BTN1A1: variants seen among roughly 807,000 people sequenced by gnomAD.
BTN1A1 encodes the protein bK14H9.2 (butyrophilin, subfamily 1, member A1).
A neutral mutation model predicts 33.1 loss-of-function variants in BTN1A1; 26 were observed. The observed-to-expected ratio is 0.79, with a 90% CI of 0.58 to 1.09. The LOEUF (loss-of-function observed/expected upper bound fraction) is 1.09. Among genes scored for constraint, BTN1A1 ranks in the 50% least tolerant of loss-of-function variants. The probability of loss-of-function intolerance (pLI) is 0.00; values close to 1 mark genes in which losing one functional copy is unlikely to be tolerated. For missense variants in BTN1A1, 558 were observed against 655.7 expected (o/e 0.85, Z 1.63); for synonymous variants, 235 against 256.2 (o/e 0.92, Z 0.79).
At chr6:26,506,653 C>A in intron 4 of BTN1A1, 30 bp from the exon 5 acceptor site, 1 of 1,610,988 alleles carries the variant, frequency 6.2e-7, no homozygotes, top group Non-Finnish European at 8.5e-7. Flanking sequence ...AATTTCTCAA[C>A]TAATGTCCTT....
rs1763912488 is a variant in BTN1A1, at chr6:26,509,144, C to A, written c.1551C>A (p.Ile517=). The A allele has an allele frequency of 5.6e-6, 9 of 1,612,742 alleles. No individual in the cohort carries two copies. The highest frequency in any genetic ancestry group is 2.2e-5 in the East Asian group (1 of 44,872). The change falls in exon 8 of 8, where the codon ATC becomes ATA. Residue 517 remains isoleucine, a synonymous_variant. Coordinates refer to ENST00000684113, the MANE Select transcript of BTN1A1 (RefSeq NM_001732.3). ...RDADTLHSKL[I]PTQPSQGAP is the part of the protein sequence containing the mutation. ...CAGACACTCTCCATTCTAAGCTAAT[C>A]CCTACCCAACCCAGCCAAGGGGCAC...
Position 26,505,213 on chromosome 6 carries a change from G to A in BTN1A1, c.709+7G>A. On this transcript the variant is annotated splice_region_variant and intron_variant, in intron 4 of 7. Transcript: ENST00000684113. ...GTAGAAATATCCATACCAGGTTAGT[G>A]GAACCAATGCTGCTGGATTCCTATG... 6.2e-7 allele frequency: 1 copy of A among 1,610,776 alleles called. No individual in the cohort carries two copies. The highest frequency in any genetic ancestry group is 2.2e-5 in the East Asian group (1 of 44,840).
Position 26,501,452 on chromosome 6 carries a change from C to T in BTN1A1, c.79+87C>T. On this transcript the variant is annotated intron_variant, in intron 2 of 7. Transcript: ENST00000684113. This position sits in a 1 kb window ranked among gnomAD's most constrained non-coding sequence, Gnocchi z 5.2. ...AATCCCACTTGGCTCTCCCTGGAGA[C>T]CTCCACTGGATCCAGACAAACTCAG... The T allele has an allele frequency of 6.4e-7, 1 of 1,568,378 alleles. No individual in the cohort carries two copies. Among genetic ancestry groups the T allele is most frequent in the South Asian group, 1.1e-5 (1 of 89,624 alleles).
In BTN1A1 at chr6:26,508,954, GC is replaced by G; in HGVS notation, c.1366del (p.Leu456SerfsTer15). On this transcript the variant is annotated frameshift_variant, in exon 8 of 8. Transcript: ENST00000684113. LOFTEE classifies it low-confidence loss of function (END_TRUNC). ...IYTFSNVTFS[G>X]PLRPFFCLWS... ...ACTTTCTCCAATGTCACTTTCTCTGGCCCCCTCCGGCCCTTCTTTTGCCTAT... is the reference window on the plus strand; with the variant it reads ...ACTTTCTCCAATGTCACTTTCTCTGGCCCCTCCGGCCCTTCTTTTGCCTAT... 1 of 1,614,108 alleles carries G rather than the reference GC, an allele frequency of 6.2e-7. No individual in the cohort carries two copies. Among genetic ancestry groups the G allele is most frequent in the Non-Finnish European group, 8.5e-7 (1 of 1,180,006 alleles).
intron 5 of BTN1A1, 60 bp downstream of exon 5, chr6:26,506,892 C>A: frequency 1.3e-6 from 2 of 1,575,008 alleles, no homozygotes; most frequent in South Asian, 1.1e-5. Context: ...AGGCTGGATC[C>A]AAGTCCTTTA....
Position 26,501,283 on chromosome 6 carries a change from G to A in BTN1A1, c.-4G>A, listed in dbSNP as rs573915613. ...GTTATCTTGCTGCTCCAGAAGGGTG[G>A]GAGATGGCAGTTTTCCCAAGCTCCG... On this transcript the variant is annotated 5_prime_UTR_variant, in exon 2 of 8. Transcript: ENST00000684113. This position sits in a 1 kb window ranked among gnomAD's most constrained non-coding sequence, Gnocchi z 5.2. 6.2e-7 allele frequency: 1 copy of A among 1,613,730 alleles called. No homozygotes were observed. The highest frequency in any genetic ancestry group is 2.2e-5 in the East Asian group (1 of 44,876).
rs1763924866 is a variant in BTN1A1 at position 26,510,245 on chromosome 6, C to G, written c.*1071C>G. The G allele has an allele frequency of 6.6e-6, 1 of 152,566 alleles. No individual in the cohort carries two copies. The highest frequency in any genetic ancestry group is 1.5e-5 in the Non-Finnish European group (1 of 68,144). 9.5% of individuals were successfully genotyped at this position (152,566 alleles called of 1,614,324 possible). On this transcript the variant is annotated 3_prime_UTR_variant, in exon 8 of 8. Transcript: ENST00000684113. ...CCCCTGAATGCTGCATCATTGTGTTCAGTGCAGCTGGACTGATTGCACCTG... is the reference window on the plus strand; with the variant it reads ...CCCCTGAATGCTGCATCATTGTGTTGAGTGCAGCTGGACTGATTGCACCTG...
In BTN1A1 at chr6:26,501,404, A is replaced by T; in HGVS notation, c.79+39A>T. The T allele has an allele frequency of 1.3e-5, 21 of 1,592,076 alleles. No homozygotes were observed. The highest frequency in any genetic ancestry group is 1.8e-5 in the Non-Finnish European group (21 of 1,160,060). On this transcript the variant is annotated intron_variant, in intron 2 of 7. Transcript: ENST00000684113. The surrounding 1 kb of genome is among the most constrained non-coding windows in gnomAD (Gnocchi z 5.2). ...TCTCTCTGGGCTGCATAGTTGAAATATATCAATAAATGTAAAATAAACAAT... is the reference window on the plus strand; with the variant it reads ...TCTCTCTGGGCTGCATAGTTGAAATTTATCAATAAATGTAAAATAAACAAT...
rs1421292283 is a variant in BTN1A1, at chr6:26,508,602, A to G, written c.1009A>G (p.Lys337Glu). The G allele has an allele frequency of 6.2e-7, 1 of 1,614,242 alleles. No homozygotes were observed. Among genetic ancestry groups the G allele is most frequent in the South Asian group, 1.1e-5 (1 of 91,084 alleles). Residue 337 changes from lysine (K) to glutamate (E), a missense_variant, in exon 8 of 8, where the codon AAA (lysine) becomes GAA (glutamate). By Grantham distance (56) the Lys-to-Glu change is moderately conservative. Coordinates refer to ENST00000684113, the MANE Select transcript of BTN1A1 (RefSeq NM_001732.3). ...LEDSRQKLPE[K>E]TERFDSWPCV... ...AGATTCACGTCAGAAACTGCCTGAGAAAACAGAGAGATTTGACTCCTGGCC... is the reference window on the plus strand; with the variant it reads ...AGATTCACGTCAGAAACTGCCTGAGGAAACAGAGAGATTTGACTCCTGGCC...
Position 26,506,749 on chromosome 6 carries a change from T to G in BTN1A1, c.776T>G (p.Leu259Arg), listed in dbSNP as rs1763875127. 6.2e-7 allele frequency: 1 copy of G among 1,613,934 alleles called. No homozygotes were observed. Among genetic ancestry groups the G allele is most frequent in the African/African-American group, 1.3e-5 (1 of 74,890 alleles). ...GCTGTCATCCTGATGGTTCTAGGAC[T>G]TCTCACCATTGGGTCCATATTTTTC... is the stretch of plus-strand genomic sequence containing the variant. ...AVAVILMVLG[L>R]LTIGSIFFTW... Residue 259 changes from leucine (L) to arginine (R), a missense_variant, in exon 5 of 8, where the codon CTT becomes CGT. By Grantham distance (102) the Leu-to-Arg change is moderately radical (BLOSUM62 -2). Coordinates refer to ENST00000684113, the MANE Select transcript of BTN1A1 (RefSeq NM_001732.3).
chr6:26,501,364 A>G lies in BTN1A1; in HGVS notation c.78A>G (p.Ser26=). Residue 26 remains serine, a splice_region_variant and synonymous_variant, in exon 2 of 8, where the codon TCA becomes TCG. Transcript: ENST00000684113. This position sits in a 1 kb window ranked among gnomAD's most constrained non-coding sequence, Gnocchi z 5.2. Reference sequence around the variant, plus strand: ...TCCTCCAGCTGCCCAAACTGGATTCAGGTAAGTCTCTCTCTCTCTCTGGGC... The same window carrying G: ...TCCTCCAGCTGCCCAAACTGGATTCGGGTAAGTCTCTCTCTCTCTCTGGGC... The part of the protein sequence containing the change: ...LILLQLPKLD[S]APFDVIGPPE... 2 of 1,612,528 alleles carry G rather than the reference A, an allele frequency of 1.2e-6. No homozygotes were observed. Among genetic ancestry groups the G allele is most frequent in the Non-Finnish European group, 1.7e-6 (2 of 1,178,634 alleles).
In BTN1A1 at chr6:26,508,720, G is replaced by A. The variant is rs1380475925; in HGVS notation, c.1127G>A (p.Arg376Lys). Residue 376 changes from arginine to lysine, a missense_variant, in exon 8 of 8, where the codon AGG becomes AAG. By Grantham distance (26) the Arg-to-Lys change is conservative. Coordinates refer to ENST00000684113, the MANE Select transcript of BTN1A1 (RefSeq NM_001732.3). Reference protein sequence around the residue: ...DRTDWAIGVCRENVMKKGFDP... With the variant: ...DRTDWAIGVCKENVMKKGFDP... ...ACTGACTGGGCAATCGGCGTGTGTA[G>A]GGAGAATGTGATGAAGAAAGGATTT... The A allele has an allele frequency of 1.2e-6, 2 of 1,614,010 alleles. No individual in the cohort carries two copies. The highest frequency in any genetic ancestry group is 1.7e-6 in the Non-Finnish European group (2 of 1,180,034).
At position 26,501,955 on chromosome 6, in the gene BTN1A1, G is replaced by A; in HGVS notation, c.427+18G>A. The A allele has an allele frequency of 6.5e-7, 1 of 1,534,874 alleles. No individual in the cohort carries two copies. ...GGTGGCTGGTGAGTAGACGGGTTTT[G>A]ACTTTCTCCGACGACTCCCCTGCTG... On this transcript the variant is annotated intron_variant, in intron 3 of 7. Coordinates refer to ENST00000684113, the MANE Select transcript of BTN1A1 (RefSeq NM_001732.3). This position sits in a 1 kb window ranked among gnomAD's most constrained non-coding sequence, Gnocchi z 5.2.
chr6:26,507,483 TG>T (rs1419140525), intron 5 of BTN1A1, among the ~76,000 whole-genome samples: 2 of 152,094 alleles, frequency 1.3e-5, no homozygotes, highest in African/African-American at 4.8e-5. Context: ...CTTAGCACTT[TG>T]GGAGGCCGAG....
chr6:26,507,887 G>A, intron 5 of BTN1A1, 63 bp from the exon 6 acceptor site: 1 of 1,562,706 alleles, frequency 6.4e-7, no homozygotes, highest in East Asian at 2.2e-5. Context: ...TCCCACACGA[G>A]TTTTGTCCCC....
At position 26,508,798 on chromosome 6, in the gene BTN1A1, G is replaced by A. The variant is rs773129427; in HGVS notation, c.1205G>A (p.Gly402Glu). 6.2e-7 allele frequency: 1 copy of A among 1,614,136 alleles called. No individual in the cohort carries two copies. The highest frequency in any genetic ancestry group is 8.5e-7 in the Non-Finnish European group (1 of 1,180,016). Residue 402 changes from glycine (G) to glutamate (E), a missense_variant, in exon 8 of 8, where the codon GGG (glycine) becomes GAG (glutamate). Transcript: ENST00000684113. Reference protein sequence around the residue: ...GFWAVELYGNGYWALTPLRTP... With the variant: ...GFWAVELYGNEYWALTPLRTP... ...TGGGCTGTAGAGTTGTATGGAAATGGGTACTGGGCCCTCACTCCTCTCCGG... is the reference window on the plus strand; with the variant it reads ...TGGGCTGTAGAGTTGTATGGAAATGAGTACTGGGCCCTCACTCCTCTCCGG...
chr6:26,507,868 T>C (rs1167762968), intron 5 of BTN1A1, 82 bp from the exon 6 acceptor site: 1 of 1,379,920 alleles, frequency 7.2e-7, no homozygotes, highest in Non-Finnish European at 1.0e-6. Flanking sequence ...AGTTCCTCCT[T>C]TGTGTGTTTC....
At position 26,501,305 on chromosome 6, in the gene BTN1A1, T is replaced by C; in HGVS notation, c.19T>C (p.Ser7Pro). Residue 7 changes from serine (S) to proline (P), a missense_variant, in exon 2 of 8, where the codon TCC becomes CCC. Ser to Pro is a moderately conservative substitution (Grantham distance 74). Transcript: ENST00000684113. The surrounding 1 kb of genome is among the most constrained non-coding windows in gnomAD (Gnocchi z 5.2). Reference sequence around the variant, plus strand: ...GTGGGAGATGGCAGTTTTCCCAAGCTCCGGTCTCCCCAGATGTCTGCTCAC... The same window carrying C: ...GTGGGAGATGGCAGTTTTCCCAAGCCCCGGTCTCCCCAGATGTCTGCTCAC... MAVFPS[S>P]GLPRCLLTLI... 6.2e-7 allele frequency: 1 copy of C among 1,614,134 alleles called. No individual in the cohort carries two copies. The highest frequency in any genetic ancestry group is 8.5e-7 in the Non-Finnish European group (1 of 1,180,028).
In BTN1A1 at chr6:26,501,991, C is replaced by T. The variant is rs941180724; in HGVS notation, c.427+54C>T. ...ACGACTCCCCTGCTGTATACACTTT[C>T]GTATGGATCAGTTACTTTGGAAACC... On this transcript the variant is annotated intron_variant, in intron 3 of 7. Coordinates refer to ENST00000684113, the MANE Select transcript of BTN1A1 (RefSeq NM_001732.3). The surrounding 1 kb of genome is among the most constrained non-coding windows in gnomAD (Gnocchi z 5.2). The T allele has an allele frequency of 1.3e-6, 2 of 1,502,768 alleles. No individual in the cohort carries two copies. Among genetic ancestry groups the T allele is most frequent in the Admixed American group, 2.3e-5 (1 of 42,954 alleles). The allele number at this position is 1,502,768 out of a possible 1,614,324, so 93.1% of individuals were successfully genotyped here.
Sources: gnomAD v4.1 joint callset for allele counts (sites outside exome capture counted in the v4.1 genomes callset) on GRCh38, gnomAD v4.1.1 for gene constraint, Gnocchi (gnomAD v3.1) non-coding constraint, MANE v1.5 for transcripts, NCBI Gene and HGNC (gene_info 2026-07-23, HGNC 2026-07-21) for gene names.